The following NPNT variants were observed in gnomAD, a reference collection of about 807,000 sequenced individuals.
The protein encoded by NPNT is preosteoblast EGF-like repeat protein with MAM domain.
A neutral mutation model predicts 68.6 loss-of-function variants in NPNT; 45 were observed. The ratio of observed to expected loss-of-function variants is 0.66; its 90% CI spans 0.52 to 0.84. The LOEUF (loss-of-function observed/expected upper bound fraction) is 0.84, where lower values mean the gene tolerates loss of function less well. Among genes scored for constraint, NPNT ranks in the 40% least tolerant of loss-of-function variants. The pLI is 0.00. For synonymous variants in NPNT, 233 were observed against 253.3 expected (o/e 0.92, Z 0.76); for missense variants, 672 against 714.8 (o/e 0.94, Z 0.68).
chr4:105,967,545 T>C, intron 11 of NPNT, 101 bp downstream of exon 11: 4 of 1,264,300 alleles, frequency 3.2e-6, no homozygotes, highest in Non-Finnish European at 4.3e-6. Flanking sequence ...GAATTCAGGC[T>C]CAGATAAAGG....
chr4:105,953,365 G>A lies in NPNT; in HGVS notation c.1160-5106G>A, dbSNP rs186635433. 9.8e-4 allele frequency among the ~76,000 whole-genome samples: 149 copies of A among 152,268 alleles called. 1 individual carries two copies. The highest frequency in any genetic ancestry group is 6.8e-3 in the Middle Eastern group (2 of 294). On this transcript the variant is annotated intron_variant, in intron 8 of 11. Coordinates refer to ENST00000379987, the MANE Select transcript of NPNT (RefSeq NM_001033047.3). Reference sequence around the variant, plus strand: ...TTTGCTCTTTACTGTCAGCCCAAAGGTGTCTGTGGAACTTTGTAGATTCTT... The same window carrying A: ...TTTGCTCTTTACTGTCAGCCCAAAGATGTCTGTGGAACTTTGTAGATTCTT...
chr4:105,927,340 G>A lies in NPNT; in HGVS notation c.177G>A (p.Val59=), dbSNP rs1369080005. The part of the protein sequence containing the change: ...ARQSWGQCQP[V]CQPRCKHGEC... ...CATGCCATCTTCTTTTCACAGCTGT[G>A]TGCCAACCACGATGCAAACATGGTG... Residue 59 remains valine (V), a synonymous_variant, in exon 3 of 12, where the codon GTG becomes GTA. Transcript: ENST00000379987. 1.2e-6 allele frequency: 2 copies of A among 1,608,780 alleles called. No homozygotes were observed. Among genetic ancestry groups the A allele is most frequent in the Admixed American group, 1.7e-5 (1 of 59,696 alleles).
At chr4:105,949,694 T>A (rs970596352) in intron 8 of NPNT, among the ~76,000 whole-genome samples, 2 of 152,204 alleles carry the variant, frequency 1.3e-5, no homozygotes, top group East Asian at 3.9e-4. Context: ...TCTAGCAATA[T>A]ATAATGAAAT....
intron 2 of NPNT, among the ~76,000 whole-genome samples, chr4:105,923,105 A>T (rs1228166660): frequency 6.6e-6 from 1 of 152,084 alleles, no homozygotes; most frequent in Non-Finnish European, 1.5e-5. Flanking sequence ...ATACTTTTTT[A>T]TTTTTTTGAT....
intron 2 of NPNT, among the ~76,000 whole-genome samples, chr4:105,926,400 A>T (rs1464661740): frequency 6.6e-6 from 1 of 152,170 alleles, no homozygotes; most frequent in Admixed American, 6.5e-5. Context: ...TGGCACGATG[A>T]CATTTTGGGC....
chr4:105,928,718 A>T (rs1728882256), intron 3 of NPNT, among the ~76,000 whole-genome samples: 1 of 151,970 alleles, frequency 6.6e-6, no homozygotes, highest in Non-Finnish European at 1.5e-5. Flanking sequence ...TAAAAAAGAT[A>T]AGTCAATTTT....
intron 5 of NPNT, among the ~76,000 whole-genome samples, chr4:105,938,990 A>C (rs2149371313): frequency 6.6e-6 from 1 of 152,326 alleles, no homozygotes; most frequent in South Asian, 2.1e-4. Context: ...CATGGATGCA[A>C]AGAGCTTAGC....
chr4:105,967,466 G>T (rs758506253), intron 11 of NPNT, 22 bp downstream of exon 11: 1 of 1,525,408 alleles, frequency 6.6e-7, no homozygotes, highest in Admixed American at 2.2e-5. Context: ...CACAAAGGAG[G>T]CAGGACCTGG....
chr4:105,897,893 T>A lies in NPNT; in HGVS notation c.72-8T>A. 6.2e-7 allele frequency: 1 copy of A among 1,602,432 alleles called. No individual in the cohort carries two copies. Among genetic ancestry groups the A allele is most frequent in the Non-Finnish European group, 8.6e-7 (1 of 1,169,338 alleles). ...TCCTTATTTATTTTGAATCTTTTTTTTTGGTAGGTGGCCCAGGCAAATAGT... is the reference window on the plus strand; with the variant it reads ...TCCTTATTTATTTTGAATCTTTTTTATTGGTAGGTGGCCCAGGCAAATAGT... On this transcript the variant is annotated splice_region_variant and splice_polypyrimidine_tract_variant and intron_variant, in intron 1 of 11. Transcript: ENST00000379987.
intron 2 of NPNT, 161 bp from the exon 3 acceptor site, chr4:105,927,175 G>A: frequency 1.9e-6 from 1 of 524,362 alleles, no homozygotes; most frequent in Non-Finnish European, 3.5e-6. Flanking sequence ...TGTGTGTGTA[G>A]CTTACAGAGT....
chr4:105,956,612 C>T (rs1426468171), intron 8 of NPNT, among the ~76,000 whole-genome samples: 1 of 152,090 alleles, frequency 6.6e-6, no homozygotes, highest in Non-Finnish European at 1.5e-5. Flanking sequence ...CATGATTGTT[C>T]TATGGAGTTT....
At chr4:105,919,653 C>T (rs1728091271) in intron 2 of NPNT, among the ~76,000 whole-genome samples, 2 of 152,046 alleles carry the variant, frequency 1.3e-5, no homozygotes, top group Admixed American at 1.3e-4. Context: ...TTGGTAGAAT[C>T]TACCACAGTT....
intron 3 of NPNT, among the ~76,000 whole-genome samples, chr4:105,930,802 T>C (rs1241893342): frequency 6.6e-6 from 1 of 152,176 alleles, no homozygotes; most frequent in Non-Finnish European, 1.5e-5. Context: ...GCTTAACCAG[T>C]GCCTTTAGAG....
At chr4:105,936,467 CA>C (rs1481898329) in intron 3 of NPNT, among the ~76,000 whole-genome samples, 20 of 152,032 alleles carry the variant, frequency 1.3e-4, no homozygotes, top group Admixed American at 3.9e-4. Context: ...TCAAAGCAGT[CA>C]AATGTTTTAA....
At chr4:105,899,221 A>G (rs1463724046) in intron 2 of NPNT, among the ~76,000 whole-genome samples, 1 of 152,214 alleles carries the variant, frequency 6.6e-6, no homozygotes, top group Non-Finnish European at 1.5e-5. Flanking sequence ...GGTTGGGAAT[A>G]GAAAGGTAAA....
intron 2 of NPNT, among the ~76,000 whole-genome samples, chr4:105,924,172 T>C (rs975282385): frequency 6.6e-6 from 1 of 152,152 alleles, no homozygotes; most frequent in African/African-American, 2.4e-5. Context: ...GGTTCTTTCA[T>C]CTCTCTATCA....
chr4:105,917,813 A>G (rs1006341555), intron 2 of NPNT, among the ~76,000 whole-genome samples: 96 of 152,300 alleles, frequency 6.3e-4, no homozygotes, highest in African/African-American at 2.2e-3. Flanking sequence ...TAACTGCTAT[A>G]TTTGTGAATG....
intron 10 of NPNT, among the ~76,000 whole-genome samples, chr4:105,959,518 C>A (rs962378023): frequency 3.6e-5 from 5 of 139,028 alleles, no homozygotes; most frequent in African/African-American, 8.1e-5. Flanking sequence ...CTTTGTTTTT[C>A]TTTTCTTTTT....
Position 105,895,495 on chromosome 4 carries a change from G to A in NPNT, c.-158G>A. On this transcript the variant is annotated 5_prime_UTR_variant, in exon 1 of 12. Coordinates refer to ENST00000379987, the MANE Select transcript of NPNT (RefSeq NM_001033047.3). Reference sequence around the variant, plus strand: ...CGCGCAGCAGACCTGCTCCGGCCGCGCGCCTCGCCGCTGTCCTCCGGGAGC... The same window carrying A: ...CGCGCAGCAGACCTGCTCCGGCCGCACGCCTCGCCGCTGTCCTCCGGGAGC... The A allele has an allele frequency of 1.6e-6, 1 of 608,490 alleles. No individual in the cohort carries two copies. Among genetic ancestry groups the A allele is most frequent in the Non-Finnish European group, 2.8e-6 (1 of 355,108 alleles). 37.7% of individuals were successfully genotyped at this position (608,490 alleles called of 1,614,324 possible). A position where few individuals can be genotyped will look rare whatever the true frequency, so the allele number is the denominator to read the frequency against.
Sources: gnomAD v4.1 joint callset for allele counts (sites outside exome capture counted in the v4.1 genomes callset) on GRCh38, gnomAD v4.1.1 for gene constraint, MANE v1.5 for transcripts, NCBI Gene and HGNC (gene_info 2026-07-23, HGNC 2026-07-21) for gene names.